The following CNTNAP5 variants were observed in gnomAD, a reference collection of about 807,000 sequenced individuals.
CNTNAP5 encodes contactin-associated protein-like 5.
A neutral mutation model predicts 150.2 loss-of-function variants in CNTNAP5; 72 were observed. That is an observed-to-expected ratio of 0.48 (90% CI 0.40 to 0.58). CNTNAP5 has a LOEUF of 0.58. Among genes scored for constraint, CNTNAP5 ranks in the 20% least tolerant of loss-of-function variants. CNTNAP5 has a pLI of 0.00. For synonymous variants in CNTNAP5, 672 were observed against 619.8 expected (o/e 1.08, Z -1.25); for missense variants, 1,636 against 1,626.2 (o/e 1.01, Z -0.10).
chr2:124,782,352 T>G (rs1681470293), intron 17 of CNTNAP5, among the ~76,000 whole-genome samples: 4 of 152,198 alleles, frequency 2.6e-5, no homozygotes, highest in Admixed American at 2.6e-4. Context: ...CCTCTAGATA[T>G]TTCAGTATTT....
intron 19 of CNTNAP5, among the ~76,000 whole-genome samples, chr2:124,842,303 T>C (rs1367684847): frequency 6.6e-6 from 1 of 152,170 alleles, no homozygotes; most frequent in East Asian, 1.9e-4. Flanking sequence ...CCATGGAGTT[T>C]TGTGGAGTGT....
chr2:124,918,133 C>T lies in CNTNAP5; in HGVS notation c.*3845C>T, dbSNP rs1270449675. ...TTGTTTCGGGTCAGGTTGGGGGATTCCAAAAGTCTTGCCTCCCATGAGTTG... is the reference window on the plus strand; with the variant it reads ...TTGTTTCGGGTCAGGTTGGGGGATTTCAAAAGTCTTGCCTCCCATGAGTTG... On this transcript the variant is annotated 3_prime_UTR_variant, in exon 24 of 24. Coordinates refer to ENST00000682447, the MANE Select transcript of CNTNAP5 (RefSeq NM_001367498.1). Among the ~76,000 whole-genome samples the T allele has an allele frequency of 1.3e-5, 2 of 151,976 alleles. No homozygotes were observed. Among genetic ancestry groups the T allele is most frequent in the Admixed American group, 1.3e-4 (2 of 15,234 alleles).
At chr2:124,292,410 T>C (rs1014283045) in intron 3 of CNTNAP5, among the ~76,000 whole-genome samples, 2 of 152,096 alleles carry the variant, frequency 1.3e-5, no homozygotes, top group East Asian at 3.8e-4. Flanking sequence ...ACGGAGCAAA[T>C]TAAATGATGG....
intron 3 of CNTNAP5, among the ~76,000 whole-genome samples, chr2:124,257,721 C>T (rs112869493): frequency 0.036 from 5,529 of 151,888 alleles, 167 homozygotes; most frequent in Admixed American, 0.082. Flanking sequence ...TATAATCCAC[C>T]CCCCTCCGCC....
At chr2:124,510,518 T>TATACAC (rs10641959) in intron 8 of CNTNAP5, among the ~76,000 whole-genome samples, 1 of 124,918 alleles carries the variant, frequency 8.0e-6, no homozygotes, top group Non-Finnish European at 1.6e-5. Flanking sequence ...TATATATATA[T>TATACAC]ACATATATCT....
At chr2:124,589,627 T>C (rs558015015) in intron 11 of CNTNAP5, among the ~76,000 whole-genome samples, 1 of 152,342 alleles carries the variant, frequency 6.6e-6, no homozygotes, top group East Asian at 1.9e-4. Context: ...AAAAAAGCAC[T>C]GTGAGGTTCT....
chr2:124,303,353 G>A (rs1250150084), intron 3 of CNTNAP5, among the ~76,000 whole-genome samples: 1 of 152,134 alleles, frequency 6.6e-6, no homozygotes, highest in East Asian at 1.9e-4. Flanking sequence ...TAAATGGTGA[G>A]TTTCAAAAAT....
At position 124,747,465 on chromosome 2, in the gene CNTNAP5, A is replaced by G. The variant is rs1013668857; in HGVS notation, c.2234+80A>G. On this transcript the variant is annotated intron_variant, in intron 14 of 23. Transcript: ENST00000682447. Reference sequence around the variant, plus strand: ...ATAAAATTCCCCAAGACAGAAGGACATGGATGAGAAATTCAATACAAACTG... The same window carrying G: ...ATAAAATTCCCCAAGACAGAAGGACGTGGATGAGAAATTCAATACAAACTG... The G allele has an allele frequency of 2.3e-5, 35 of 1,514,946 alleles. No homozygotes were observed. The African/African-American group carries it at 3.7e-4, about 16-fold the overall frequency. 93.8% of individuals were successfully genotyped at this position (1,514,946 alleles called of 1,614,324 possible).
At chr2:124,198,748 A>T (rs1206237701) in intron 1 of CNTNAP5, among the ~76,000 whole-genome samples, 1 of 151,432 alleles carries the variant, frequency 6.6e-6, no homozygotes, top group Admixed American at 6.6e-5. Flanking sequence ...ATTGTCTTAC[A>T]TATTTTTTAG....
chr2:124,821,255 G>A (rs1479159220), intron 19 of CNTNAP5, among the ~76,000 whole-genome samples: 1 of 152,170 alleles, frequency 6.6e-6, no homozygotes, highest in African/African-American at 2.4e-5. Context: ...GAGAAAAAGA[G>A]CCTGACCTAG....
intron 1 of CNTNAP5, among the ~76,000 whole-genome samples, chr2:124,151,200 C>T (rs1573793646): frequency 6.6e-6 from 1 of 152,246 alleles, no homozygotes; most frequent in East Asian, 1.9e-4. Flanking sequence ...GTGAATTGGG[C>T]CGGAGCTCCC....
chr2:124,597,363 G>C (rs932731916), intron 11 of CNTNAP5, among the ~76,000 whole-genome samples: 5 of 150,072 alleles, frequency 3.3e-5, no homozygotes, highest in Non-Finnish European at 7.4e-5. Context: ...CTCAGCATTT[G>C]CTTGTCTGTG....
chr2:124,333,595 GAA>G (rs2104683048), intron 3 of CNTNAP5, among the ~76,000 whole-genome samples: 1 of 152,298 alleles, frequency 6.6e-6, no homozygotes, highest in African/African-American at 2.4e-5. Flanking sequence ...GAGCCTATAA[GAA>G]AAGTTTAGAA....
chr2:124,205,988 C>T (rs1158263121), intron 1 of CNTNAP5, among the ~76,000 whole-genome samples: 2 of 152,172 alleles, frequency 1.3e-5, no homozygotes, highest in Admixed American at 6.5e-5. Flanking sequence ...TTTAAAGTTT[C>T]GTTTGAGTAT....
intron 1 of CNTNAP5, among the ~76,000 whole-genome samples, chr2:124,046,514 C>T (rs1327907718): frequency 6.6e-6 from 1 of 151,708 alleles, no homozygotes; most frequent in Non-Finnish European, 1.5e-5. Context: ...CAACAGCCGC[C>T]TCCTGCTGAG....
At chr2:124,060,997 G>A (rs569403221) in intron 1 of CNTNAP5, among the ~76,000 whole-genome samples, 2 of 152,176 alleles carry the variant, frequency 1.3e-5, no homozygotes, top group Admixed American at 1.3e-4. Context: ...AAAGGTCTGG[G>A]GCTGCCAGTG....
chr2:124,710,415 C>T (rs116434164), intron 13 of CNTNAP5, among the ~76,000 whole-genome samples: 2,522 of 152,122 alleles, frequency 0.017, 78 homozygotes, highest in African/African-American at 0.056. Flanking sequence ...TGCTTTTGTA[C>T]GCAACCTGTA....
At chr2:124,815,812 G>A (rs1682349659) in intron 19 of CNTNAP5, among the ~76,000 whole-genome samples, 1 of 152,028 alleles carries the variant, frequency 6.6e-6, no homozygotes, top group Admixed American at 6.5e-5. Flanking sequence ...ATGGAAAGGT[G>A]TATAACTGAA....
intron 13 of CNTNAP5, among the ~76,000 whole-genome samples, chr2:124,708,247 C>A (rs775566361): frequency 6.6e-6 from 1 of 152,114 alleles, no homozygotes; most frequent in Non-Finnish European, 1.5e-5. Context: ...GAGGTATCCA[C>A]AGGCAAAATG....
Sources: gnomAD v4.1 joint callset for allele counts (sites outside exome capture counted in the v4.1 genomes callset) on GRCh38, gnomAD v4.1.1 for gene constraint, MANE v1.5 for transcripts, NCBI Gene and HGNC (gene_info 2026-07-23, HGNC 2026-07-21) for gene names.